Variants in MUC15 observed in about 807,000 individuals in gnomAD.
MUC15 encodes mucin 15, cell surface associated.
A neutral mutation model predicts 24.0 loss-of-function variants in MUC15; 23 were observed. The ratio of observed to expected loss-of-function variants is 0.96; its 90% CI spans 0.69 to 1.36. The LOEUF is 1.36. MUC15 is among the 40% of genes most tolerant of loss of function. The pLI is 0.00. For missense variants in MUC15, 442 were observed against 428.2 expected (o/e 1.03, Z -0.29); for synonymous variants, 151 against 156.3 (o/e 0.97, Z 0.25).
chr11:26,567,054 C>G lies in MUC15; in HGVS notation c.41G>C (p.Cys14Ser). 6.6e-7 allele frequency: 1 copy of G among 1,507,582 alleles called. No homozygotes were observed. Among genetic ancestry groups the G allele is most frequent in the Admixed American group, 2.1e-5 (1 of 47,362 alleles). The allele number at this position is 1,507,582 out of a possible 1,614,324, so 93.4% of individuals were successfully genotyped here. A position where few individuals can be genotyped will look rare whatever the true frequency, so the allele number is the denominator to read the frequency against. ...IQSILATSRD[C>S]YSFKKKPIPK... The stretch of plus-strand genomic sequence containing the variant: ...GTATCATCTTATTTGATACTTACAA[C>G]AATCCCTTGATGTGGCAAGAATAGA... Residue 14 changes from cysteine to serine, a missense_variant and splice_region_variant, in exon 2 of 5, where the codon TGT (cysteine) becomes TCT (serine). Coordinates refer to ENST00000529533, the MANE Select transcript of MUC15 (RefSeq NM_001135091.2).
chr11:26,559,593 A>G lies in MUC15; in HGVS notation c.*1472T>C, dbSNP rs1348009417. ...CCCATGAAAGGAATTCATATATAAT[A>G]TTTCTGTACTATAAAATAATATGAT... On this transcript the variant is annotated 3_prime_UTR_variant, in exon 5 of 5. Transcript: ENST00000529533. 5 of 681,396 alleles carry G rather than the reference A, an allele frequency of 7.3e-6. No homozygotes were observed. The highest frequency in any genetic ancestry group is 1.3e-5 in the Non-Finnish European group (5 of 388,058). 42.2% of individuals were successfully genotyped at this position (681,396 alleles called of 1,614,324 possible).
Position 26,572,030 on chromosome 11 carries a change from C to G in MUC15, c.-46+11G>C, listed in dbSNP as rs914616419. On this transcript the variant is annotated intron_variant, in intron 1 of 4. Coordinates refer to ENST00000529533, the MANE Select transcript of MUC15 (RefSeq NM_001135091.2). ...AAAGCGAGAGACCTAAGTGACCCAA[C>G]GCACACTTACCTTCAGGCTTAGGAG... 1 of 955,612 alleles carries G rather than the reference C, an allele frequency of 1.0e-6. No homozygotes were observed. The highest frequency in any genetic ancestry group is 6.2e-5 in the Admixed American group (1 of 16,194). The allele number at this position is 955,612 out of a possible 1,614,324, so 59.2% of individuals were successfully genotyped here. A position where few individuals can be genotyped will look rare whatever the true frequency, so the allele number is the denominator to read the frequency against.
Position 26,559,835 on chromosome 11 carries a change from T to TTTACAC in MUC15, c.*1229_*1230insGTGTAA. On this transcript the variant is annotated 3_prime_UTR_variant, in exon 5 of 5. Transcript: ENST00000529533. ...TTATTTTCTGAAGCTGTTTCTGTGT[T>TTTACAC]ACACACACACACACACACACACACA... 1.6e-6 allele frequency: 1 copy of TTTACAC among 617,286 alleles called. No individual in the cohort carries two copies. 38.2% of individuals were successfully genotyped at this position (617,286 alleles called of 1,614,324 possible).
rs139953401 is a variant in MUC15, at chr11:26,565,182, G to A, written c.758C>T (p.Thr253Met). 3.3e-4 allele frequency: 490 copies of A among 1,504,304 alleles called. No individual in the cohort carries two copies. The highest frequency in any genetic ancestry group is 2.4e-3 in the African/African-American group (174 of 71,338). 93.2% of individuals were successfully genotyped at this position (1,504,304 alleles called of 1,614,324 possible). A position where few individuals can be genotyped will look rare whatever the true frequency, so the allele number is the denominator to read the frequency against. Residue 253 changes from threonine to methionine, a missense_variant, in exon 3 of 5, where the codon ACG becomes ATG. Transcript: ENST00000529533. ...ATATTTACCTTTTTGGGGATCTGACGTATTTGGAAAGAGTTTTGAATTATT... is the reference window on the plus strand; with the variant it reads ...ATATTTACCTTTTTGGGGATCTGACATATTTGGAAAGAGTTTTGAATTATT... ...FTNNSKLFPN[T>M]SDPQKENRNT...
rs267602835 is a variant in MUC15, at chr11:26,565,527, G to T, written c.413C>A (p.Pro138His). The T allele has an allele frequency of 6.2e-7, 1 of 1,613,366 alleles. No individual in the cohort carries two copies. The highest frequency in any genetic ancestry group is 8.5e-7 in the Non-Finnish European group (1 of 1,179,538). Residue 138 changes from proline (P) to histidine (H), a missense_variant, in exon 3 of 5, where the codon CCC becomes CAC. By Grantham distance (77) the Pro-to-His change is moderately conservative (BLOSUM62 -2). Coordinates refer to ENST00000529533, the MANE Select transcript of MUC15 (RefSeq NM_001135091.2). ...KPTSTISTSP[P>H]LIHSFVSKVP... is the part of the protein sequence containing the mutation. Reference sequence around the variant, plus strand: ...TTTAGAAACAAAGCTATGGATCAAGGGAGGGCTTGTGGAAATGGTAGATGT... The same window carrying T: ...TTTAGAAACAAAGCTATGGATCAAGTGAGGGCTTGTGGAAATGGTAGATGT...
Position 26,559,389 on chromosome 11 carries a change from A to T in MUC15, c.*1676T>A. On this transcript the variant is annotated 3_prime_UTR_variant, in exon 5 of 5. Transcript: ENST00000529533. ...GCCTCACCTGAAAAACTAATTTCAT[A>T]CAACTTTCATTAAGTAGTTTGACAA... The T allele has an allele frequency of 5.2e-6, 1 of 192,754 alleles. No individual in the cohort carries two copies. The highest frequency in any genetic ancestry group is 1.1e-5 in the Non-Finnish European group (1 of 94,406). The allele number at this position is 192,754 out of a possible 1,614,324, so 11.9% of individuals were successfully genotyped here. A position where few individuals can be genotyped will look rare whatever the true frequency, so the allele number is the denominator to read the frequency against.
Position 26,561,338 on chromosome 11 carries a change from T to A in MUC15, c.926-113A>T, listed in dbSNP as rs960007351. On this transcript the variant is annotated intron_variant, in intron 4 of 4. Coordinates refer to ENST00000529533, the MANE Select transcript of MUC15 (RefSeq NM_001135091.2). ...AGATGAGAAAATAAATATATTTTTA[T>A]ATGGGCTTTTTAGATTTTAGTTTTA... 6.7e-6 allele frequency: 5 copies of A among 740,864 alleles called. No individual in the cohort carries two copies. In the South Asian group the frequency reaches 1.5e-4, roughly 22 times the overall value. 45.9% of individuals were successfully genotyped at this position (740,864 alleles called of 1,614,324 possible).
rs865885555 is a variant in MUC15 at position 26,567,090 on chromosome 11, C to A, written c.5G>T (p.Gly2Val). The A allele has an allele frequency of 1.3e-6, 2 of 1,483,608 alleles. No homozygotes were observed. The highest frequency in any genetic ancestry group is 2.2e-5 in the Admixed American group (1 of 45,014). 91.9% of individuals were successfully genotyped at this position (1,483,608 alleles called of 1,614,324 possible). ...TGTGGCAAGAATAGATTGTATTATG[C>A]CCATTTTGCAGATGAAGAAACTGAA... M[G>V]IIQSILATSR... Residue 2 changes from glycine (G) to valine (V), a missense_variant, in exon 2 of 5, where the codon GGC becomes GTC. Physicochemically the swap from Gly to Val is moderately radical, Grantham distance 109. Coordinates refer to ENST00000529533, the MANE Select transcript of MUC15 (RefSeq NM_001135091.2).
chr11:26,560,950 TCTC>T lies in MUC15; in HGVS notation c.*112_*114del. On this transcript the variant is annotated 3_prime_UTR_variant, in exon 5 of 5. Coordinates refer to ENST00000529533, the MANE Select transcript of MUC15 (RefSeq NM_001135091.2). Reference sequence around the variant, plus strand: ...GCTACTGGTCTCCTGCTTTTATGATTCTCCTTGACAAAATCCACGTGACAGTAA... The same window carrying T: ...GCTACTGGTCTCCTGCTTTTATGATTCTTGACAAAATCCACGTGACAGTAA... 1 of 1,003,610 alleles carries T rather than the reference TCTC, an allele frequency of 1.0e-6. No individual in the cohort carries two copies. Among genetic ancestry groups the T allele is most frequent in the South Asian group, 1.6e-5 (1 of 62,058 alleles). 62.2% of individuals were successfully genotyped at this position (1,003,610 alleles called of 1,614,324 possible). A position where few individuals can be genotyped will look rare whatever the true frequency, so the allele number is the denominator to read the frequency against.
At chr11:26,570,417 C>G in intron 1 of MUC15, among the ~76,000 whole-genome samples, 1 of 152,052 alleles carries the variant, frequency 6.6e-6, no homozygotes. Flanking sequence ...TGTCCAGGCT[C>G]TCTGTTGAAA....
In MUC15 at chr11:26,559,969, A is replaced by T. The variant is rs969470234; in HGVS notation, c.*1096T>A. 6.9e-5 allele frequency: 32 copies of T among 463,608 alleles called. No homozygotes were observed. Among genetic ancestry groups the T allele is most frequent in the Non-Finnish European group, 1.1e-4 (29 of 259,706 alleles). The allele number at this position is 463,608 out of a possible 1,614,324, so 28.7% of individuals were successfully genotyped here. On this transcript the variant is annotated 3_prime_UTR_variant, in exon 5 of 5. Coordinates refer to ENST00000529533, the MANE Select transcript of MUC15 (RefSeq NM_001135091.2). ...TGCTTCTTTAGGAATTTAACTCTTG[A>T]TCTCATCCTCTAATCTCTAAAACCT...
rs763099571 is a variant in MUC15 at position 26,565,879 on chromosome 11, G to GTT, written c.59_60dup (p.Pro21AsnfsTer12). On this transcript the variant is annotated frameshift_variant, in exon 3 of 5. Coordinates refer to ENST00000529533, the MANE Select transcript of MUC15 (RefSeq NM_001135091.2). LOFTEE classifies it high-confidence loss of function. Reference sequence around the variant, plus strand: ...AACATTGTAGGCTTCTTTGGTATTGGTTTTTTTTTAAAGGAATCTGAAAGA... The same window carrying GTT: ...AACATTGTAGGCTTCTTTGGTATTGGTTTTTTTTTTTAAAGGAATCTGAAAGA... The GTT allele has an allele frequency of 1.9e-5, 30 of 1,567,008 alleles. No homozygotes were observed. The highest frequency in any genetic ancestry group is 6.3e-5 in the Admixed American group (3 of 47,620).
Position 26,560,994 on chromosome 11 carries a change from T to A in MUC15, c.*71A>T. 1.4e-6 allele frequency: 2 copies of A among 1,465,436 alleles called. No homozygotes were observed. The highest frequency in any genetic ancestry group is 1.9e-6 in the Non-Finnish European group (2 of 1,078,700). 90.8% of individuals were successfully genotyped at this position (1,465,436 alleles called of 1,614,324 possible). Reference sequence around the variant, plus strand: ...GTGACAGTAATTTTGTGTAACCTTTTGAAAGATGAATTTGTCAAAAGGCTA... The same window carrying A: ...GTGACAGTAATTTTGTGTAACCTTTAGAAAGATGAATTTGTCAAAAGGCTA... On this transcript the variant is annotated 3_prime_UTR_variant, in exon 5 of 5. Coordinates refer to ENST00000529533, the MANE Select transcript of MUC15 (RefSeq NM_001135091.2).
intron 4 of MUC15, chr11:26,562,894 T>C (rs1329385057): frequency 4.2e-6 from 2 of 481,598 alleles, no homozygotes; most frequent in African/African-American, 4.0e-5. Flanking sequence ...CCAATTTTGA[T>C]GCAGTGAGCA....
intron 3 of MUC15, among the ~76,000 whole-genome samples, chr11:26,564,777 ATATATAT>A (rs1850495358): frequency 9.8e-6 from 1 of 101,662 alleles, no homozygotes; most frequent in African/African-American, 3.6e-5. Context: ...ATATATATAT[ATATATAT>A]AAGTTCAGTT....
intron 4 of MUC15, 26 bp downstream of exon 4, chr11:26,563,090 G>A (rs1363962342): frequency 1.2e-6 from 2 of 1,608,494 alleles, no homozygotes; most frequent in Non-Finnish European, 1.7e-6. Flanking sequence ...ACTGTGCCCA[G>A]GTGAAGTATT....
Position 26,559,498 on chromosome 11 carries a change from G to A in MUC15, c.*1567C>T. 1 of 502,442 alleles carries A rather than the reference G, an allele frequency of 2.0e-6. No individual in the cohort carries two copies. Among genetic ancestry groups the A allele is most frequent in the Non-Finnish European group, 3.5e-6 (1 of 281,746 alleles). 31.1% of individuals were successfully genotyped at this position (502,442 alleles called of 1,614,324 possible). On this transcript the variant is annotated 3_prime_UTR_variant, in exon 5 of 5. Transcript: ENST00000529533. The stretch of plus-strand genomic sequence containing the variant: ...GTGGGGTATAAAGGGAATCAAGAGA[G>A]GAGAGAAGAGGGCTAATGTTGTTTC...
At position 26,563,055 on chromosome 11, in the gene MUC15, T is replaced by C. The variant is rs1850355302; in HGVS notation, c.925+61A>G. ...TACCTTCTAGGCAATGCAGTGAACATTGGCATCCTCATTTAATTAAAACCA... is the reference window on the plus strand; with the variant it reads ...TACCTTCTAGGCAATGCAGTGAACACTGGCATCCTCATTTAATTAAAACCA... On this transcript the variant is annotated intron_variant, in intron 4 of 4. Transcript: ENST00000529533. The C allele has an allele frequency of 9.5e-6, 15 of 1,582,600 alleles. 1 individual carries two copies. The highest frequency in any genetic ancestry group is 5.4e-5 in the African/African-American group (4 of 73,820).
intron 4 of MUC15, 63 bp downstream of exon 4, chr11:26,563,053 C>A: frequency 6.3e-7 from 1 of 1,578,120 alleles, no homozygotes; most frequent in Admixed American, 1.8e-5. Flanking sequence ...ATGCAGTGAA[C>A]ATTGGCATCC....
Sources: gnomAD v4.1 joint callset for allele counts (sites outside exome capture counted in the v4.1 genomes callset) on GRCh38, gnomAD v4.1.1 for gene constraint, MANE v1.5 for transcripts, NCBI Gene and HGNC (gene_info 2026-07-23, HGNC 2026-07-21) for gene names.